VWCE: variants seen among roughly 807,000 people sequenced by gnomAD.
VWCE encodes von Willebrand factor C and EGF domain-containing protein.
In VWCE, 68 loss-of-function variants were observed where a neutral mutation model predicts 102.9. The ratio of observed to expected loss-of-function variants is 0.66; its 90% CI spans 0.54 to 0.81. The LOEUF is 0.81. VWCE is among the 30% of genes least tolerant of loss of function. VWCE has a pLI of 0.00. For missense variants in VWCE, 1,137 were observed against 1,263.6 expected (o/e 0.90, Z 1.52); for synonymous variants, 497 against 515.4 (o/e 0.96, Z 0.48).
Position 61,290,806 on chromosome 11 carries a change from C to T in VWCE, c.417G>A (p.Arg139=). ...FSMTETAVGI[R]CTDIDECVTS... ...CACTCCCAGGCGTCTCACCTGTACA[C>T]CTGATGCCAACAGCTGTCTCCGTCA... Residue 139 remains arginine, a synonymous_variant, in exon 4 of 20, where the codon AGG becomes AGA. Coordinates refer to ENST00000335613, the MANE Select transcript of VWCE (RefSeq NM_152718.2). The T allele has an allele frequency of 6.2e-6, 10 of 1,612,326 alleles. No individual in the cohort carries two copies. The highest frequency in any genetic ancestry group is 8.5e-6 in the Non-Finnish European group (10 of 1,179,362).
At chr11:61,284,211 C>G (rs1415183806) in intron 5 of VWCE, among the ~76,000 whole-genome samples, 4 of 151,072 alleles carry the variant, frequency 2.6e-5, no homozygotes, top group South Asian at 2.1e-4. Flanking sequence ...AAAAAAAAAA[C>G]AAAGAAAGAA....
chr11:61,268,904 G>A lies in VWCE; in HGVS notation c.1882+18C>T. 6.2e-7 allele frequency: 1 copy of A among 1,613,084 alleles called. No individual in the cohort carries two copies. The highest frequency in any genetic ancestry group is 8.5e-7 in the Non-Finnish European group (1 of 1,179,328). ...AGATGCCCTGCCCTGGGGGCTTGGG[G>A]CAGAGGCAGGGGATTACCTGCTGAA... On this transcript the variant is annotated intron_variant, in intron 15 of 19. Transcript: ENST00000335613.
At chr11:61,264,449 G>A in intron 19 of VWCE, 38 bp downstream of exon 19, 1 of 1,584,710 alleles carries the variant, frequency 6.3e-7, no homozygotes, top group South Asian at 1.1e-5. Flanking sequence ...AATGGAAGAA[G>A]ATGGCGGAGA....
Position 61,286,446 on chromosome 11 carries a change from G to A in VWCE, c.425-16C>T. 1 of 1,605,420 alleles carries A rather than the reference G, an allele frequency of 6.2e-7. No individual in the cohort carries two copies. ...TCGTCAATGTCTGGAAAGACAGAAA[G>A]CACGTGTTTACACAGTGGTCCTCGC... On this transcript the variant is annotated splice_polypyrimidine_tract_variant and intron_variant, in intron 4 of 19. Transcript: ENST00000335613.
At chr11:61,277,067 G>A (rs1321662518) in intron 10 of VWCE, among the ~76,000 whole-genome samples, 1 of 140,548 alleles carries the variant, frequency 7.1e-6, no homozygotes, top group Non-Finnish European at 1.6e-5. Flanking sequence ...AGGGAGGGAT[G>A]GAGGGAAGGG....
chr11:61,266,223 G>C (rs543362222), intron 16 of VWCE, among the ~76,000 whole-genome samples: 2 of 152,110 alleles, frequency 1.3e-5, no homozygotes, highest in Admixed American at 1.3e-4. Flanking sequence ...AAATTTTTTA[G>C]CTACATTTTT....
intron 14 of VWCE, among the ~76,000 whole-genome samples, chr11:61,269,740 C>G (rs1854619318): frequency 6.6e-6 from 1 of 151,950 alleles, no homozygotes; most frequent in South Asian, 2.1e-4. Flanking sequence ...GCCACCGCAA[C>G]CGGCCTCTTT....
chr11:61,280,851 G>A lies in VWCE; in HGVS notation c.1172C>T (p.Ala391Val), dbSNP rs1311844173. 1.3e-6 allele frequency: 2 copies of A among 1,542,434 alleles called. No homozygotes were observed. Among genetic ancestry groups the A allele is most frequent in the East Asian group, 4.5e-5 (2 of 44,314 alleles). ...AGPSPCWHLGAMHESRSRWTE... is the reference protein window; with the variant it reads ...AGPSPCWHLGVMHESRSRWTE... ...CCAGCGACTCCTTGATTCATGCATG[G>A]CTCCCAGGTGCCAGCAGGGAGAGGG... The change falls in exon 8 of 20, where the codon GCC (alanine) becomes GTC (valine). Residue 391 changes from alanine (A) to valine (V), a missense_variant. By Grantham distance (64) the Ala-to-Val change is moderately conservative. This residue lies in a region of VWCE where 575 missense variants were observed against 625.9 expected (regional missense o/e 0.92). Coordinates refer to ENST00000335613, the MANE Select transcript of VWCE (RefSeq NM_152718.2).
At position 61,295,081 on chromosome 11, in the gene VWCE, C is replaced by CCG. The variant is rs1855634351; in HGVS notation, c.-46_-45dup. ...CCCCGGGCTGGGCTCGGCTCCTGCG[C>CCG]CGCGCGCGGGAGAGGGGGCTGCCGG... On this transcript the variant is annotated 5_prime_UTR_variant, in exon 1 of 20. Transcript: ENST00000335613. This position sits in a 1 kb window ranked among gnomAD's most constrained non-coding sequence, Gnocchi z 4.6. The CCG allele has an allele frequency of 2.7e-5, 34 of 1,245,244 alleles. No homozygotes were observed. The Middle Eastern group carries it at 9.1e-4, about 33-fold the overall frequency. 77.1% of individuals were successfully genotyped at this position (1,245,244 alleles called of 1,614,324 possible).
In VWCE at chr11:61,282,743, G is replaced by C. The variant is rs748187032; in HGVS notation, c.658+46C>G. ...CCCTGGGCTCCCTGTCCATCCTCCT[G>C]ATTGGCAGCCTAAGTGTGCAGACCA... On this transcript the variant is annotated intron_variant, in intron 6 of 19. Coordinates refer to ENST00000335613, the MANE Select transcript of VWCE (RefSeq NM_152718.2). 7 of 1,512,976 alleles carry C rather than the reference G, an allele frequency of 4.6e-6. No individual in the cohort carries two copies. The Admixed American group carries it at 1.2e-4, about 25-fold the overall frequency. 93.7% of individuals were successfully genotyped at this position (1,512,976 alleles called of 1,614,324 possible). A position where few individuals can be genotyped will look rare whatever the true frequency, so the allele number is the denominator to read the frequency against.
intron 9 of VWCE, among the ~76,000 whole-genome samples, chr11:61,279,585 C>CA (rs1035092832): frequency 1.9e-4 from 29 of 150,006 alleles, no homozygotes; most frequent in East Asian, 9.9e-4. Flanking sequence ...AACAAAAAAA[C>CA]AAAAAAAAAC....
At position 61,294,861 on chromosome 11, in the gene VWCE, G is replaced by T; in HGVS notation, c.110+67C>A. ...CTGCGGCTCCTGAGCGCCCCTCCGC[G>T]CCTCTCGACTGCACGCCGGTAGCGC... On this transcript the variant is annotated intron_variant, in intron 1 of 19. Transcript: ENST00000335613. This position sits in a 1 kb window ranked among gnomAD's most constrained non-coding sequence, Gnocchi z 6.3. 1.8e-6 allele frequency: 2 copies of T among 1,138,430 alleles called. No homozygotes were observed. Among genetic ancestry groups the T allele is most frequent in the Non-Finnish European group, 2.3e-6 (2 of 882,284 alleles). The allele number at this position is 1,138,430 out of a possible 1,614,324, so 70.5% of individuals were successfully genotyped here.
chr11:61,279,934 C>T (rs1855062614), intron 9 of VWCE, among the ~76,000 whole-genome samples: 1 of 152,138 alleles, frequency 6.6e-6, no homozygotes, highest in African/African-American at 2.4e-5. Flanking sequence ...CCTATAGACA[C>T]GGGGCTAGTC....
Position 61,276,592 on chromosome 11 carries a change from C to A in VWCE, c.1495+1G>T. ...CAAAATGCTCCAAGAGTGTCACTTA[C>A]CTGGAACACAAGTACAGCAATCCGT... On this transcript the variant is annotated splice_donor_variant, in intron 11 of 19. Coordinates refer to ENST00000335613, the MANE Select transcript of VWCE (RefSeq NM_152718.2). LOFTEE classifies it high-confidence loss of function. 3 of 1,562,642 alleles carry A rather than the reference C, an allele frequency of 1.9e-6. 1 individual carries two copies. The highest frequency in any genetic ancestry group is 2.6e-6 in the Non-Finnish European group (3 of 1,156,966).
In VWCE at chr11:61,280,905, C is replaced by A. The variant is rs778826936; in HGVS notation, c.1118G>T (p.Gly373Val). The A allele has an allele frequency of 3.9e-6, 6 of 1,528,852 alleles. No individual in the cohort carries two copies. The highest frequency in any genetic ancestry group is 4.4e-6 in the Non-Finnish European group (5 of 1,140,698). 94.7% of individuals were successfully genotyped at this position (1,528,852 alleles called of 1,614,324 possible). The change falls in exon 8 of 20, where the codon GGC (glycine) becomes GTC (valine). Residue 373 changes from glycine to valine, a missense_variant. Transcript: ENST00000335613. Reference sequence around the variant, plus strand: ...TGCTGCCAGTCGGGGGGACTCAGGGCCCCTGGGTGAGGAAGGGGTCCCCAT... The same window carrying A: ...TGCTGCCAGTCGGGGGGACTCAGGGACCCTGGGTGAGGAAGGGGTCCCCAT... ...EVMGTPSSPR[G>V]PESPRLAAGP...
chr11:61,265,294 C>G (rs909686036), intron 16 of VWCE, 82 bp from the exon 17 acceptor site: 63 of 1,238,768 alleles, frequency 5.1e-5, no homozygotes, highest in Non-Finnish European at 5.9e-5. Context: ...CCTATAGCCA[C>G]TGAGTGTCCA....
intron 5 of VWCE, among the ~76,000 whole-genome samples, chr11:61,285,250 A>T (rs1449486049): frequency 6.6e-6 from 1 of 152,158 alleles, no homozygotes; most frequent in African/African-American, 2.4e-5. Context: ...TGGCTTTTAA[A>T]TTTTTTCTCA....
At chr11:61,265,632 G>A (rs767112865) in intron 16 of VWCE, among the ~76,000 whole-genome samples, 18 of 152,180 alleles carry the variant, frequency 1.2e-4, no homozygotes, top group African/African-American at 3.4e-4. Flanking sequence ...TCTGCAGACC[G>A]TGTCCCTTGT....
chr11:61,276,955 A>C (rs896911434), intron 10 of VWCE, among the ~76,000 whole-genome samples: 1 of 40,690 alleles, frequency 2.5e-5, no homozygotes, highest in Non-Finnish European at 4.8e-5. Context: ...AGGGGAGGGG[A>C]GGGGAGGGGA....
Sources: gnomAD v4.1 joint callset for allele counts (sites outside exome capture counted in the v4.1 genomes callset) on GRCh38, gnomAD v4.1.1 for gene constraint, gnomAD v4.1.1 regional missense constraint, Gnocchi (gnomAD v3.1) non-coding constraint, MANE v1.5 for transcripts, NCBI Gene and HGNC (gene_info 2026-07-23, HGNC 2026-07-21) for gene names.